POLR2K: variants seen among roughly 807,000 people sequenced by gnomAD.
The protein encoded by POLR2K is RNA polymerase II, I and III subunit K, also known as DNA-directed RNA polymerases I, II, and III subunit RPABC4.
POLR2K carries 9 observed loss-of-function variants against 10.1 expected under a neutral mutation model. The observed-to-expected ratio is 0.89, with a 90% CI of 0.54 to 1.56. POLR2K has a LOEUF of 1.56. Among genes scored for constraint, POLR2K ranks in the 40% most tolerant of loss-of-function variants. The probability of loss-of-function intolerance (pLI) is 0.00; values close to 1 mark genes in which losing one functional copy is unlikely to be tolerated. For synonymous variants in POLR2K, 19 were observed against 20.3 expected, an observed-to-expected ratio of 0.94 and a Z score of 0.17; for missense variants, 53 against 71.9, an observed-to-expected ratio of 0.74 and a Z score of 0.95.
chr8:100,153,217 A>T, intron 3 of POLR2K, 77 bp from the exon 4 acceptor site: 4 of 1,053,716 alleles, frequency 3.8e-6, no homozygotes, highest in Non-Finnish European at 4.3e-6. Context: ...GCTTATTGCA[A>T]AGAGAAAGTG....
intron 2 of POLR2K, 147 bp from the exon 3 acceptor site, chr8:100,151,677 T>C: frequency 1.7e-6 from 1 of 596,876 alleles, no homozygotes; most frequent in South Asian, 2.3e-5. Context: ...TTCTTTCCTA[T>C]TTAATATATT....
At chr8:100,151,104 C>T (rs1321583220) in intron 1 of POLR2K, among the ~76,000 whole-genome samples, 2 of 152,128 alleles carry the variant, frequency 1.3e-5, no homozygotes, top group Non-Finnish European at 2.9e-5. Context: ...AGAGTGATGT[C>T]TCCTAGGATT....
At chr8:100,151,547 A>G in intron 2 of POLR2K, 131 bp downstream of exon 2, 1 of 693,408 alleles carries the variant, frequency 1.4e-6, no homozygotes, top group Non-Finnish European at 2.5e-6. Context: ...AACCATAAAA[A>G]AAATCGTTGA....
chr8:100,151,964 T>G, intron 3 of POLR2K, 48 bp downstream of exon 3: 10 of 854,688 alleles, frequency 1.2e-5, no homozygotes, highest in Non-Finnish European at 1.8e-5. Context: ...AGGAAATGAA[T>G]AATGCTGGGG....
At chr8:100,152,231 A>G (rs1230650070) in intron 3 of POLR2K, 31 of 494,174 alleles carry the variant, frequency 6.3e-5, no homozygotes, top group Non-Finnish European at 1.1e-4. Flanking sequence ...ATCCTACTAT[A>G]CATACACATC....
intron 1 of POLR2K, among the ~76,000 whole-genome samples, 164 bp downstream of exon 1, chr8:100,150,873 C>T (rs1025621004): frequency 6.6e-6 from 1 of 152,126 alleles, no homozygotes; most frequent in African/African-American, 2.4e-5. Context: ...GATGTTTAGC[C>T]AGTAGGAGTT....
Position 100,151,869 on chromosome 8 carries a change from G to T in POLR2K, c.107G>T (p.Cys36Phe). The change falls in exon 3 of 4, where the codon TGC becomes TTC. Residue 36 changes from cysteine (C) to phenylalanine (F), a missense_variant. Transcript: ENST00000353107. ...ATAAAATCTAGGGATCCAATCAGAT[G>T]CAGAGAATGTGGATACAGAATAATG... is the stretch of plus-strand genomic sequence containing the variant. Reference protein sequence around the residue: ...NEIKSRDPIRCRECGYRIMYK... With the variant: ...NEIKSRDPIRFRECGYRIMYK... 1 of 1,568,002 alleles carries T rather than the reference G, an allele frequency of 6.4e-7. No homozygotes were observed. Among genetic ancestry groups the T allele is most frequent in the Non-Finnish European group, 8.8e-7 (1 of 1,141,068 alleles).
At chr8:100,152,173 T>C (rs1814928785) in intron 3 of POLR2K, 2 of 563,540 alleles carry the variant, frequency 3.5e-6, no homozygotes, top group East Asian at 3.1e-5. Context: ...ATTCTGAGAA[T>C]TGTGTCCTTA....
At chr8:100,151,616 T>G in intron 2 of POLR2K, 200 bp downstream of exon 2, 1 of 600,080 alleles carries the variant, frequency 1.7e-6, no homozygotes, top group South Asian at 2.2e-5. Context: ...AAAACAAAGC[T>G]CGTTGAGATT....
intron 1 of POLR2K, among the ~76,000 whole-genome samples, chr8:100,151,121 A>T (rs1002240647): frequency 1.3e-5 from 2 of 152,192 alleles, no homozygotes; most frequent in African/African-American, 4.8e-5. Context: ...GATTGTTATG[A>T]AGATTATAAT....
At chr8:100,151,759 T>G (rs1283456120) in intron 2 of POLR2K, 65 bp from the exon 3 acceptor site, 1 of 759,170 alleles carries the variant, frequency 1.3e-6, no homozygotes, top group African/African-American at 1.8e-5. Context: ...AATAATACAT[T>G]TAAGATAATT....
Position 100,151,428 on chromosome 8 carries a change from A to T in POLR2K, c.61+12A>T, listed in dbSNP as rs772338018. On this transcript the variant is annotated intron_variant, in intron 2 of 3. Transcript: ENST00000353107. ...ATATATCTGTGGAGGTAAGAGTAGCACTTACCTAAAGTAAGAATATTTTAT... is the reference window on the plus strand; with the variant it reads ...ATATATCTGTGGAGGTAAGAGTAGCTCTTACCTAAAGTAAGAATATTTTAT... The T allele has an allele frequency of 6.0e-6, 9 of 1,495,486 alleles. No homozygotes were observed. Among genetic ancestry groups the T allele is most frequent in the Non-Finnish European group, 8.4e-6 (9 of 1,071,910 alleles). The allele number at this position is 1,495,486 out of a possible 1,614,324, so 92.6% of individuals were successfully genotyped here.
At chr8:100,151,518 T>C (rs1814918260) in intron 2 of POLR2K, 102 bp downstream of exon 2, 2 of 823,236 alleles carry the variant, frequency 2.4e-6, no homozygotes, top group South Asian at 1.4e-5. Context: ...TTCAGAGTTA[T>C]AAAGTAGAAC....
chr8:100,153,327 T>C lies in POLR2K; in HGVS notation c.*11T>C, dbSNP rs1260406753. ...TTTGATGCTCGATGAATGCTGGGAA[T>C]TCAGAGGAATGTCTTCACTTATACT... On this transcript the variant is annotated 3_prime_UTR_variant, in exon 4 of 4. Coordinates refer to ENST00000353107, the MANE Select transcript of POLR2K (RefSeq NM_005034.4). 3 of 1,606,230 alleles carry C rather than the reference T, an allele frequency of 1.9e-6. No individual in the cohort carries two copies. The highest frequency in any genetic ancestry group is 2.6e-6 in the Non-Finnish European group (3 of 1,174,018).
At chr8:100,151,588 T>A in intron 2 of POLR2K, 172 bp downstream of exon 2, 1 of 609,288 alleles carries the variant, frequency 1.6e-6, no homozygotes. Context: ...TCCTTGGTCT[T>A]CTGTTTACTA....
rs1344381520 is a variant in POLR2K, at chr8:100,153,792, G to C, written c.*476G>C. The stretch of plus-strand genomic sequence containing the variant: ...ATTTTTAAGACCATATTATATTTGG[G>C]TATCTACTAATATTTTGTATAAAGC... On this transcript the variant is annotated 3_prime_UTR_variant, in exon 4 of 4. Transcript: ENST00000353107. The C allele has an allele frequency of 6.6e-6, 1 of 152,238 alleles. No homozygotes were observed. The highest frequency in any genetic ancestry group is 1.5e-5 in the Non-Finnish European group (1 of 68,132). The allele number at this position is 152,238 out of a possible 1,614,324, so 9.4% of individuals were successfully genotyped here.
chr8:100,153,265 G>A lies in POLR2K; in HGVS notation c.155-29G>A, dbSNP rs1193351648. The A allele has an allele frequency of 2.9e-5, 45 of 1,577,144 alleles. No homozygotes were observed. The East Asian group carries it at 2.9e-4, about 10-fold the overall frequency. On this transcript the variant is annotated intron_variant, in intron 3 of 3. Transcript: ENST00000353107. ...TCAGTCTTAATAATGTTTAAGTACC[G>A]TTTTTGTCCTTAACTCAAATTAATA...
At chr8:100,152,283 T>TG in intron 3 of POLR2K, 1 of 340,914 alleles carries the variant, frequency 2.9e-6, no homozygotes, top group Non-Finnish European at 5.3e-6. Flanking sequence ...GCTACACACC[T>TG]GTACAGCATG....
intron 2 of POLR2K, 63 bp from the exon 3 acceptor site, chr8:100,151,761 A>T: frequency 1.3e-6 from 1 of 765,902 alleles, no homozygotes; most frequent in Non-Finnish European, 2.2e-6. Flanking sequence ...TAATACATTT[A>T]AGATAATTTG....
Sources: allele counts gnomAD v4.1 joint callset (sites outside exome capture counted in the v4.1 genomes callset), GRCh38; gene constraint gnomAD v4.1.1; transcripts MANE v1.5; gene names NCBI Gene and HGNC (gene_info 2026-07-23, HGNC 2026-07-21).